DPF3: variants seen among roughly 807,000 people sequenced by gnomAD.
DPF3 encodes the protein double PHD fingers 3.
A neutral mutation model predicts 56.8 loss-of-function variants in DPF3; 18 were observed. The ratio of observed to expected loss-of-function variants is 0.32; its 90% confidence interval spans 0.22 to 0.47. DPF3 has a LOEUF of 0.47. Among genes scored for constraint, DPF3 ranks in the 20% least tolerant of loss-of-function variants. The pLI, the probability that DPF3 is intolerant of heterozygous loss-of-function variation, is 1.00. For synonymous variants in DPF3, 188 were observed against 180.2 expected, an observed-to-expected ratio of 1.04 and a Z score of -0.35; for missense variants, 403 against 488.8, an observed-to-expected ratio of 0.82 and a Z score of 1.65.
chr14:72,693,111 C>A lies in DPF3; in HGVS notation c.707G>T (p.Arg236Leu). 4 of 1,613,942 alleles carry A rather than the reference C, an allele frequency of 2.5e-6. No individual in the cohort carries two copies. The highest frequency in any genetic ancestry group is 3.4e-6 in the Non-Finnish European group (4 of 1,179,886). The change falls in exon 7 of 11, where the codon CGG (arginine) becomes CTG (leucine). Residue 236 changes from arginine to leucine, a missense_variant. By Grantham distance (102) the Arg-to-Leu change is moderately radical (BLOSUM62 -2). Coordinates refer to ENST00000556509, the MANE Select transcript of DPF3 (RefSeq NM_001280542.3). ...EGDEAQDQET[R>L]SPPNHRNENH... ...CTCATTTCTGTGGTTGGGTGGGGAC[C>A]GAGTCTCCTGGTCTTGAGCTTCATC...
At chr14:72,740,232 T>C (rs1411492183) in intron 3 of DPF3, among the ~76,000 whole-genome samples, 1 of 152,202 alleles carries the variant, frequency 6.6e-6, no homozygotes, top group Non-Finnish European at 1.5e-5. Context: ...TGTAGGCACC[T>C]GCAAGAATGT....
At chr14:72,725,395 G>A (rs993854491) in intron 4 of DPF3, among the ~76,000 whole-genome samples, 8 of 152,088 alleles carry the variant, frequency 5.3e-5, no homozygotes, top group Admixed American at 5.2e-4. Context: ...GAGATGTGGA[G>A]GATGAGCAAA....
At chr14:72,863,146 A>ATATGTG (rs745495462) in intron 1 of DPF3, among the ~76,000 whole-genome samples, 9 of 140,738 alleles carry the variant, frequency 6.4e-5, no homozygotes, top group African/African-American at 2.4e-4. Context: ...GTATATATAT[A>ATATGTG]TGTGTGTGTG....
At chr14:72,722,400 T>A (rs979497887) in intron 5 of DPF3, among the ~76,000 whole-genome samples, 11 of 152,210 alleles carry the variant, frequency 7.2e-5, no homozygotes, top group African/African-American at 2.7e-4. Context: ...CTGGCCGATG[T>A]GCAGCGGCCG....
At position 72,879,289 on chromosome 14, in the gene DPF3, A is replaced by C. The variant is rs532418879; in HGVS notation, c.32+14768T>G. Among the ~76,000 whole-genome samples the C allele has an allele frequency of 2.0e-5, 3 of 152,096 alleles. No homozygotes were observed. The East Asian group carries it at 5.8e-4, about 29-fold the overall frequency. On this transcript the variant is annotated intron_variant, in intron 1 of 10. Coordinates refer to ENST00000556509, the MANE Select transcript of DPF3 (RefSeq NM_001280542.3). ...TCCCAGCTACTCAGGAGGCCGAGAT[A>C]GGAGAATCGCTTGAACCCAGGAGGT...
intron 1 of DPF3, among the ~76,000 whole-genome samples, chr14:72,884,971 T>TATATATATATATATACA (rs10523148): frequency 9.0e-6 from 1 of 111,690 alleles, no homozygotes; most frequent in Non-Finnish European, 1.9e-5. Context: ...TATATATATA[T>TATATATATATATATACA]TAGCCGGGCG....
chr14:72,774,229 A>C (rs1360393000), intron 1 of DPF3, among the ~76,000 whole-genome samples: 1 of 134,062 alleles, frequency 7.5e-6, no homozygotes, highest in African/African-American at 2.9e-5. Flanking sequence ...GTGCCACTGC[A>C]CTCCAGCCTG....
intron 8 of DPF3, among the ~76,000 whole-genome samples, chr14:72,636,833 T>C (rs1885397957): frequency 6.6e-6 from 1 of 152,220 alleles, no homozygotes; most frequent in African/African-American, 2.4e-5. Flanking sequence ...TCACCATTTT[T>C]ATTGCACTTC....
At chr14:72,835,965 G>A in intron 1 of DPF3, 1 of 851,754 alleles carries the variant, frequency 1.2e-6, no homozygotes, top group Non-Finnish European at 1.4e-6. Context: ...TGTGCGTTGT[G>A]TTCAAGATAC....
At chr14:72,760,217 T>C (rs1030445801) in intron 2 of DPF3, among the ~76,000 whole-genome samples, 4 of 152,170 alleles carry the variant, frequency 2.6e-5, no homozygotes, top group African/African-American at 9.7e-5. Context: ...ATACCTGTAA[T>C]CCCAACAATT....
At chr14:72,883,609 C>T (rs1204330511) in intron 1 of DPF3, among the ~76,000 whole-genome samples, 4 of 152,180 alleles carry the variant, frequency 2.6e-5, no homozygotes, top group East Asian at 1.9e-4. Context: ...CTGACCCCAC[C>T]GCAATGCTCT....
At chr14:72,850,977 G>A (rs1884961816) in intron 1 of DPF3, among the ~76,000 whole-genome samples, 1 of 152,210 alleles carries the variant, frequency 6.6e-6, no homozygotes, top group Non-Finnish European at 1.5e-5. Context: ...ATCTAAAGGG[G>A]CAGCAGCTGC....
chr14:72,795,221 G>T (rs1188339671), intron 1 of DPF3, among the ~76,000 whole-genome samples: 1 of 146,256 alleles, frequency 6.8e-6, no homozygotes, highest in Non-Finnish European at 1.5e-5. Flanking sequence ...GTGAAGAATT[G>T]AAAGAAACGC....
chr14:72,712,478 T>C (rs1040148411), intron 6 of DPF3, among the ~76,000 whole-genome samples: 3 of 152,138 alleles, frequency 2.0e-5, no homozygotes, highest in African/African-American at 7.2e-5. Flanking sequence ...CATGGGATTA[T>C]GATGGGCTGG....
intron 1 of DPF3, among the ~76,000 whole-genome samples, chr14:72,808,641 G>C (rs1016652355): frequency 6.6e-6 from 1 of 152,202 alleles, no homozygotes; most frequent in Non-Finnish European, 1.5e-5. Context: ...AAGTCAGCCT[G>C]GAAATCCAGG....
chr14:72,614,194 G>A lies in DPF3; in HGVS notation c.*5103C>T, dbSNP rs1883932803. Among the ~76,000 whole-genome samples the A allele has an allele frequency of 6.6e-6, 1 of 152,178 alleles. No homozygotes were observed. The highest frequency in any genetic ancestry group is 1.5e-5 in the Non-Finnish European group (1 of 68,030). On this transcript the variant is annotated 3_prime_UTR_variant, in exon 11 of 11. Coordinates refer to ENST00000556509, the MANE Select transcript of DPF3 (RefSeq NM_001280542.3). The stretch of plus-strand genomic sequence containing the variant: ...TGGGAATGCTCAGAAATGGGGGAGG[G>A]AGCCCCAACCCCCAGACAGCTATGG...
At chr14:72,746,834 C>T (rs1890344197) in intron 3 of DPF3, among the ~76,000 whole-genome samples, 1 of 152,206 alleles carries the variant, frequency 6.6e-6, no homozygotes, top group South Asian at 2.1e-4. Flanking sequence ...TACAAGACGC[C>T]ATGTGCAGGT....
At chr14:72,800,433 GATGGATGC>G (rs1192676807) in intron 1 of DPF3, among the ~76,000 whole-genome samples, 5 of 151,914 alleles carry the variant, frequency 3.3e-5, no homozygotes, top group East Asian at 1.9e-4. Context: ...CGGACACATG[GATGGATGC>G]ATGGATGCAT....
chr14:72,696,415 T>C (rs1887901179), intron 6 of DPF3, among the ~76,000 whole-genome samples: 1 of 152,352 alleles, frequency 6.6e-6, no homozygotes, highest in South Asian at 2.1e-4. Flanking sequence ...TTAGACTCCT[T>C]GAATTATGGC....
Sources: gnomAD v4.1 joint callset for allele counts (sites outside exome capture counted in the v4.1 genomes callset) on GRCh38, gnomAD v4.1.1 for gene constraint, MANE v1.5 for transcripts, NCBI Gene and HGNC (gene_info 2026-07-23, HGNC 2026-07-21) for gene names.